ZAN: variants seen among roughly 807,000 people sequenced by gnomAD.
ZAN encodes zonadhesin, also known as zonadhesin (gene/pseudogene).
In ZAN, 260 loss-of-function variants were observed where a neutral mutation model predicts 286.2. The ratio of observed to expected loss-of-function variants is 0.91; its 90% confidence interval spans 0.82 to 1.01. The LOEUF is 1.01. Ranked by LOEUF, ZAN falls within the 50% of genes least tolerant of loss-of-function variation. The probability of loss-of-function intolerance (pLI) is 0.00; values close to 1 mark genes in which losing one functional copy is unlikely to be tolerated. For synonymous variants in ZAN, 1,368 were observed against 1,417.5 expected (o/e 0.97, Z 0.79); for missense variants, 3,410 against 3,639.2 (o/e 0.94, Z 1.62).
chr7:100,774,658 TA>T (rs946614902), intron 31 of ZAN, among the ~76,000 whole-genome samples: 137 of 151,804 alleles, frequency 9.0e-4, no homozygotes, highest in Non-Finnish European at 1.8e-3. Context: ...ACCCTGTCTC[TA>T]AAAAAAATTT....
chr7:100,758,348 G>C lies in ZAN; in HGVS notation c.3451+5G>C. The C allele has an allele frequency of 1.9e-6, 3 of 1,611,260 alleles. No individual in the cohort carries two copies. The highest frequency in any genetic ancestry group is 2.2e-5 in the South Asian group (2 of 90,898). On this transcript the variant is annotated splice_donor_5th_base_variant and intron_variant, in intron 16 of 47. Transcript: ENST00000613979. ...AGTATGGATGCCACCCCTACGGTGA[G>C]AGCCCCTCCCCATGCTGTCCCTGCC...
intron 7 of ZAN, among the ~76,000 whole-genome samples, chr7:100,739,688 C>T (rs1296236883): frequency 1.5e-5 from 2 of 136,498 alleles, no homozygotes; most frequent in South Asian, 2.3e-4. Flanking sequence ...GACAGAGTCT[C>T]GCCCTGTCTC....
chr7:100,769,587 C>T (rs1810241363), intron 27 of ZAN, among the ~76,000 whole-genome samples: 1 of 150,882 alleles, frequency 6.6e-6, no homozygotes, highest in African/African-American at 2.4e-5. Flanking sequence ...CTCTGTTGCC[C>T]AGGCTGGAGT....
At position 100,747,634 on chromosome 7, in the gene ZAN, G is replaced by T; in HGVS notation, c.1016G>T (p.Arg339Leu). The change falls in exon 9 of 48, where the codon CGG becomes CTG. Residue 339 changes from arginine to leucine, a missense_variant. Coordinates refer to ENST00000613979, the MANE Select transcript of ZAN (RefSeq NM_003386.3). The part of the protein sequence containing the change: ...AVSVNYTAVG[R>L]IQFAVVGVFG... The stretch of plus-strand genomic sequence containing the variant: ...TCTGTCAATTACACAGCCGTGGGAC[G>T]GATACAGGTACAGAGAAGCAAGGGG... 3.1e-6 allele frequency: 5 copies of T among 1,613,714 alleles called. No individual in the cohort carries two copies. The highest frequency in any genetic ancestry group is 4.2e-6 in the Non-Finnish European group (5 of 1,179,770).
chr7:100,785,656 ACT>A (rs1811513302), intron 36 of ZAN, among the ~76,000 whole-genome samples: 1 of 135,942 alleles, frequency 7.4e-6, no homozygotes, highest in Non-Finnish European at 1.6e-5. Context: ...TCCCCTCTTC[ACT>A]CTTTTTTTTT....
intron 28 of ZAN, among the ~76,000 whole-genome samples, chr7:100,771,332 G>A (rs903576043): frequency 6.6e-6 from 1 of 152,178 alleles, no homozygotes; most frequent in African/African-American, 2.4e-5. Context: ...TCAGCCTGCT[G>A]AGTAGCTGGG....
chr7:100,770,504 A>C (rs1308294224), intron 28 of ZAN, among the ~76,000 whole-genome samples: 5 of 1,860 alleles, frequency 2.7e-3, no homozygotes, highest in African/African-American at 0.01. Flanking sequence ...ACTCTGTCTC[A>C]AAAAAAAAAA....
chr7:100,737,002 G>C lies in ZAN; in HGVS notation c.447G>C (p.Trp149Cys), dbSNP rs1192236347. The change falls in exon 5 of 48, where the codon TGG (tryptophan) becomes TGC (cysteine). Residue 149 changes from tryptophan to cysteine, a missense_variant. This residue lies in a region of ZAN where 872 missense variants were observed against 938.9 expected (regional missense o/e 0.93). Coordinates refer to ENST00000613979, the MANE Select transcript of ZAN (RefSeq NM_003386.3). ...GEEGRRPDVLWKHWNTQRPSW... is the reference protein window; with the variant it reads ...GEEGRRPDVLCKHWNTQRPSW... ...AGGGCCGCCGCCCCGATGTGCTCTGGAAACACTGGAACACCCAGAGACCCT... is the reference window on the plus strand; with the variant it reads ...AGGGCCGCCGCCCCGATGTGCTCTGCAAACACTGGAACACCCAGAGACCCT... 6.7e-7 allele frequency: 1 copy of C among 1,501,438 alleles called. No individual in the cohort carries two copies. The highest frequency in any genetic ancestry group is 9.1e-7 in the Non-Finnish European group (1 of 1,097,082). The allele number at this position is 1,501,438 out of a possible 1,614,324, so 93.0% of individuals were successfully genotyped here.
intron 23 of ZAN, 121 bp from the exon 24 acceptor site, chr7:100,766,404 G>A (rs1232575865): frequency 8.1e-7 from 1 of 1,236,912 alleles, no homozygotes; most frequent in Non-Finnish European, 1.1e-6. Flanking sequence ...AAGAGAGGAT[G>A]TCTCCCCACT....
intron 37 of ZAN, 41 bp downstream of exon 37, chr7:100,786,182 G>T (rs754035586): frequency 1.9e-6 from 3 of 1,611,146 alleles, no homozygotes; most frequent in African/African-American, 2.7e-5. Flanking sequence ...GGGAGCACCT[G>T]TGGCCAGGGC....
At chr7:100,771,232 A>T (rs2116101582) in intron 28 of ZAN, among the ~76,000 whole-genome samples, 1 of 152,110 alleles carries the variant, frequency 6.6e-6, no homozygotes, top group East Asian at 1.9e-4. Context: ...GAGCCACCAC[A>T]CAAATCTGGG....
At position 100,748,210 on chromosome 7, in the gene ZAN, G is replaced by T. The variant is rs781197261; in HGVS notation, c.1097G>T (p.Cys366Phe). 6.2e-6 allele frequency: 10 copies of T among 1,613,924 alleles called. No individual in the cohort carries two copies. The highest frequency in any genetic ancestry group is 2.2e-5 in the East Asian group (1 of 44,868). ...VAVDATSIAP[C>F]GEGFPQCDFE... ...GTTGATGCAACCAGCATTGCTCCTT[G>T]TGGGGGTGAGAGCAGGCCCTGAGAG... Residue 366 changes from cysteine (C) to phenylalanine (F), a missense_variant, in exon 10 of 48, where the codon TGT (cysteine) becomes TTT (phenylalanine). Physicochemically the swap from Cys to Phe is radical, Grantham distance 205. This residue lies in a region of ZAN where 872 missense variants were observed against 938.9 expected (regional missense o/e 0.93). Coordinates refer to ENST00000613979, the MANE Select transcript of ZAN (RefSeq NM_003386.3).
chr7:100,738,736 C>T lies in ZAN; in HGVS notation c.766+123C>T, dbSNP rs560141733. On this transcript the variant is annotated intron_variant, in intron 7 of 47. Transcript: ENST00000613979. ...AAGCCTCTTACCAGCTCAAGTTTCACGCAAGAAGCTGATTTCAAGCACCCA... is the reference window on the plus strand; with the variant it reads ...AAGCCTCTTACCAGCTCAAGTTTCATGCAAGAAGCTGATTTCAAGCACCCA... 68 of 1,132,822 alleles carry T rather than the reference C, an allele frequency of 6.0e-5. 10 individuals carry two copies. The South Asian group carries it at 6.5e-4, about 11-fold the overall frequency. 70.2% of individuals were successfully genotyped at this position (1,132,822 alleles called of 1,614,324 possible).
Position 100,751,780 on chromosome 7 carries a change from C to T in ZAN, c.1675C>T (p.Leu559Phe). ...SSTGPSETTGLTENPTISTKK... is the reference protein window; with the variant it reads ...SSTGPSETTGFTENPTISTKK... Reference sequence around the variant, plus strand: ...CACTGGCCCTTCTGAAACCACTGGCCTCACAGAAAACCCTACAATCTCCAC... The same window carrying T: ...CACTGGCCCTTCTGAAACCACTGGCTTCACAGAAAACCCTACAATCTCCAC... Residue 559 changes from leucine (L) to phenylalanine (F), a missense_variant, in exon 14 of 48, where the codon CTC becomes TTC. Leu to Phe is a conservative substitution (Grantham distance 22). Coordinates refer to ENST00000613979, the MANE Select transcript of ZAN (RefSeq NM_003386.3). 1.2e-6 allele frequency: 2 copies of T among 1,611,160 alleles called. No individual in the cohort carries two copies. Among genetic ancestry groups the T allele is most frequent in the Non-Finnish European group, 8.5e-7 (1 of 1,179,266 alleles).
In ZAN at chr7:100,775,368, G is replaced by T; in HGVS notation, c.5820G>T (p.Val1940=). 1 of 1,613,706 alleles carries T rather than the reference G, an allele frequency of 6.2e-7. No individual in the cohort carries two copies. The highest frequency in any genetic ancestry group is 1.1e-5 in the South Asian group (1 of 91,024). ...VCQLPGESHY[V]SFDGSNHSIP... is the part of the protein sequence containing the mutation. ...AGCTCCCAGGGGAGTCCCACTACGT[G>T]AGCTTTGATGGTAGTAACCATTCTA... is the stretch of plus-strand genomic sequence containing the variant. Residue 1940 remains valine, a synonymous_variant, in exon 32 of 48, where the codon GTG becomes GTT. Transcript: ENST00000613979.
chr7:100,777,609 C>T (rs1332352895), intron 34 of ZAN, among the ~76,000 whole-genome samples: 1 of 151,870 alleles, frequency 6.6e-6, no homozygotes, highest in Non-Finnish European at 1.5e-5. Flanking sequence ...TGATCCGCCC[C>T]ACTCAGCCTC....
chr7:100,759,640 C>CAAA, intron 17 of ZAN, 81 bp from the exon 18 acceptor site: 4 of 1,351,912 alleles, frequency 3.0e-6, no homozygotes, highest in Non-Finnish European at 9.6e-7. Context: ...TCTCTCCCTG[C>CAAA]GGCGCCAGGC....
intron 13 of ZAN, 62 bp from the exon 14 acceptor site, chr7:100,751,650 C>A: frequency 6.6e-7 from 1 of 1,504,914 alleles, no homozygotes; most frequent in Non-Finnish European, 8.9e-7. Flanking sequence ...AGTTAGATGG[C>A]AGTAAAGAGG....
chr7:100,774,668 T>G (rs895916866), intron 31 of ZAN, among the ~76,000 whole-genome samples: 1 of 151,542 alleles, frequency 6.6e-6, no homozygotes, highest in Admixed American at 6.6e-5. Context: ...TAAAAAAAAT[T>G]TTTTTTAATT....
Sources: gnomAD v4.1 joint callset for allele counts (sites outside exome capture counted in the v4.1 genomes callset) on GRCh38, gnomAD v4.1.1 for gene constraint, gnomAD v4.1.1 regional missense constraint, MANE v1.5 for transcripts, NCBI Gene and HGNC (gene_info 2026-07-23, HGNC 2026-07-21) for gene names.